RASAL2: variants seen among roughly 807,000 people sequenced by gnomAD.
RASAL2 encodes ras GTPase-activating protein nGAP.
RASAL2 carries 58 observed loss-of-function variants against 128.9 expected under a neutral mutation model. The ratio of observed to expected loss-of-function variants is 0.45; its 90% CI spans 0.36 to 0.56. The LOEUF (loss-of-function observed/expected upper bound fraction) is 0.56, where lower values mean the gene tolerates loss of function less well. RASAL2 is among the 20% of genes least tolerant of loss of function. RASAL2 has a pLI of 0.00. For missense variants in RASAL2, 1,360 were observed against 1,601.6 expected (o/e 0.85, Z 2.57); for synonymous variants, 561 against 580.8 (o/e 0.97, Z 0.49).
chr1:178,297,819 T>TA (rs971686746), intron 2 of RASAL2, among the ~76,000 whole-genome samples: 2 of 152,032 alleles, frequency 1.3e-5, no homozygotes, highest in Non-Finnish European at 2.9e-5. Flanking sequence ...TAGGCCCAAA[T>TA]AAAAAATATT....
chr1:178,284,767 GAA>G (rs1557876767), intron 2 of RASAL2, among the ~76,000 whole-genome samples: 1 of 152,046 alleles, frequency 6.6e-6, no homozygotes, highest in Non-Finnish European at 1.5e-5. Context: ...TATTGACAAA[GAA>G]GAGGAATAAT....
chr1:178,152,657 C>G (rs1247663656), intron 1 of RASAL2, among the ~76,000 whole-genome samples: 1 of 152,064 alleles, frequency 6.6e-6, no homozygotes, highest in African/African-American at 2.4e-5. Flanking sequence ...GAGCTAGACT[C>G]TGTCTCAAAA....
chr1:178,173,986 TTAAGAC>T (rs908154999), intron 1 of RASAL2, among the ~76,000 whole-genome samples: 4 of 151,922 alleles, frequency 2.6e-5, no homozygotes, highest in African/African-American at 9.7e-5. Flanking sequence ...ATTTCCATAT[TTAAGAC>T]TATGATTCAT....
intron 3 of RASAL2, among the ~76,000 whole-genome samples, chr1:178,385,890 A>G (rs370682292): frequency 6.6e-6 from 1 of 152,146 alleles, no homozygotes; most frequent in African/African-American, 2.4e-5. Context: ...CTTACCTCCT[A>G]AAGTATTGAC....
rs569300031 is a variant in RASAL2, at chr1:178,167,904, T to C, written c.202+73210T>C. Among the ~76,000 whole-genome samples, 5 of 152,240 alleles carry C rather than the reference T, an allele frequency of 3.3e-5. No homozygotes were observed. In the East Asian group the frequency reaches 9.7e-4, roughly 29 times the overall value. ...TGACTGTTGTTGTGTGAGGAAAGGA[T>C]AAACAGATCACTGCTTTTAAGGGGG... is the stretch of plus-strand genomic sequence containing the variant. On this transcript the variant is annotated intron_variant, in intron 1 of 17. Coordinates refer to ENST00000367649, the MANE Select transcript of RASAL2 (RefSeq NM_170692.4).
intron 3 of RASAL2, among the ~76,000 whole-genome samples, chr1:178,376,236 C>T (rs1332379715): frequency 6.6e-6 from 1 of 152,014 alleles, no homozygotes; most frequent in South Asian, 2.1e-4. Flanking sequence ...CTGTTGATAA[C>T]CTGTGAAAGT....
intron 5 of RASAL2, among the ~76,000 whole-genome samples, chr1:178,438,298 C>G (rs1007027605): frequency 1.3e-5 from 2 of 151,998 alleles, no homozygotes; most frequent in Admixed American, 1.3e-4. Context: ...AAAAGCTACT[C>G]TGGCATTAAA....
At chr1:178,365,830 T>C (rs1329256306) in intron 3 of RASAL2, among the ~76,000 whole-genome samples, 1 of 152,178 alleles carries the variant, frequency 6.6e-6, no homozygotes, top group Non-Finnish European at 1.5e-5. Context: ...CAATAGTGTA[T>C]TGAATGTCCG....
At chr1:178,352,714 C>T (rs968989606) in intron 3 of RASAL2, among the ~76,000 whole-genome samples, 6 of 152,236 alleles carry the variant, frequency 3.9e-5, no homozygotes, top group African/African-American at 1.2e-4. Flanking sequence ...GGCTCTGGCC[C>T]TGCATTAGGC....
rs74131313 is a variant in RASAL2 at position 178,301,770 on chromosome 1, T to C, written c.457+1652T>C. Among the ~76,000 whole-genome samples the C allele has an allele frequency of 5.6e-3, 853 of 152,234 alleles. 10 individuals carry two copies. Among genetic ancestry groups the C allele is most frequent in the African/African-American group, 0.019 (798 of 41,554 alleles). On this transcript the variant is annotated intron_variant, in intron 3 of 17. Coordinates refer to ENST00000367649, the MANE Select transcript of RASAL2 (RefSeq NM_170692.4). Reference sequence around the variant, plus strand: ...TACCAATTTTCTAGGAACCTTTCGCTCTTCAAGTTTTGACCCATAAAAGTC... The same window carrying C: ...TACCAATTTTCTAGGAACCTTTCGCCCTTCAAGTTTTGACCCATAAAAGTC...
chr1:178,366,483 G>A (rs968874080), intron 3 of RASAL2, among the ~76,000 whole-genome samples: 4 of 151,852 alleles, frequency 2.6e-5, no homozygotes, highest in African/African-American at 9.7e-5. Context: ...CTTCAAGAAG[G>A]ATGGAAATCC....
At chr1:178,296,071 GTATGTGTATATATGTGTGTGTATATA>G (rs1667486371) in intron 2 of RASAL2, among the ~76,000 whole-genome samples, 2 of 151,594 alleles carry the variant, frequency 1.3e-5, no homozygotes, top group South Asian at 4.2e-4. Flanking sequence ...GTGTGTATAT[GTATGTGTATATATGTGTGTGTATATA>G]TATGTGTATA....
chr1:178,416,773 C>T (rs1032711615), intron 4 of RASAL2, among the ~76,000 whole-genome samples: 1 of 151,728 alleles, frequency 6.6e-6, no homozygotes, highest in Non-Finnish European at 1.5e-5. Flanking sequence ...TTTTTTTCCT[C>T]TCAACACTTT....
intron 11 of RASAL2, 119 bp from the exon 12 acceptor site, chr1:178,454,328 C>T (rs1270646108): frequency 8.4e-6 from 6 of 718,292 alleles, no homozygotes; most frequent in Admixed American, 5.6e-5. Flanking sequence ...AGATAATAAA[C>T]AAAATTAGTC....
intron 1 of RASAL2, among the ~76,000 whole-genome samples, chr1:178,206,878 A>G (rs1412344525): frequency 6.6e-6 from 1 of 152,198 alleles, no homozygotes; most frequent in Non-Finnish European, 1.5e-5. Context: ...TTCAGACATT[A>G]AAAGTAATGA....
At chr1:178,313,532 C>G (rs1383922644) in intron 3 of RASAL2, among the ~76,000 whole-genome samples, 1 of 151,720 alleles carries the variant, frequency 6.6e-6, no homozygotes, top group African/African-American at 2.4e-5. Context: ...ACTCTGTCAC[C>G]CGGGCTGGAG....
chr1:178,302,148 C>G (rs1667795137), intron 3 of RASAL2, among the ~76,000 whole-genome samples: 1 of 152,108 alleles, frequency 6.6e-6, no homozygotes, highest in Non-Finnish European at 1.5e-5. Flanking sequence ...TTGTTATCTC[C>G]AAGTGATTTG....
intron 1 of RASAL2, among the ~76,000 whole-genome samples, chr1:178,116,596 A>T (rs1262926190): frequency 1.3e-5 from 2 of 151,916 alleles, no homozygotes; most frequent in Non-Finnish European, 2.9e-5. Context: ...GTTTCTTAAT[A>T]GATTGTTATT....
intron 1 of RASAL2, among the ~76,000 whole-genome samples, chr1:178,179,827 A>G (rs1662025793): frequency 6.6e-6 from 1 of 152,206 alleles, no homozygotes; most frequent in Non-Finnish European, 1.5e-5. Context: ...ACTGCTACAC[A>G]CAAAGCAGCT....
Sources: allele counts gnomAD v4.1 joint callset (sites outside exome capture counted in the v4.1 genomes callset), GRCh38; gene constraint gnomAD v4.1.1; transcripts MANE v1.5; gene names NCBI Gene and HGNC (gene_info 2026-07-23, HGNC 2026-07-21).